Variants in CC2D1B observed in about 807,000 individuals in gnomAD.
CC2D1B encodes coiled-coil and C2 domain containing 1B.
In CC2D1B, 92 loss-of-function variants were observed where a neutral mutation model predicts 110.8. That is an observed-to-expected ratio of 0.83 (90% CI 0.70 to 0.99). The LOEUF is 0.99. CC2D1B is among the 50% of genes least tolerant of loss of function. The pLI is 0.00. For missense variants in CC2D1B, 1,136 were observed against 1,089.0 expected (o/e 1.04, Z -0.61); for synonymous variants, 406 against 429.2 (o/e 0.95, Z 0.67).
At chr1:52,353,984 A>G (rs979468716) in intron 23 of CC2D1B, 8 of 284,486 alleles carry the variant, frequency 2.8e-5, no homozygotes, top group African/African-American at 4.3e-5. Context: ...CAGATGGCCA[A>G]GAGAGAGAAG....
intron 3 of CC2D1B, 72 bp from the exon 4 acceptor site, chr1:52,361,688 T>C: frequency 6.4e-7 from 1 of 1,574,646 alleles, no homozygotes; most frequent in South Asian, 1.1e-5. Context: ...AGGGGCTTGG[T>C]AGATCCACCC....
intron 13 of CC2D1B, 132 bp from the exon 14 acceptor site, chr1:52,358,030 T>C: frequency 2.2e-6 from 3 of 1,356,736 alleles, no homozygotes; most frequent in Non-Finnish European, 3.0e-6. Context: ...CTTCTCTTCC[T>C]GGGTCCTAAA....
Position 52,357,485 on chromosome 1 carries a change from T to A in CC2D1B, c.1752+41A>T, listed in dbSNP as rs373830756. 1.6e-4 allele frequency: 242 copies of A among 1,538,392 alleles called. 2 individuals carry two copies. The highest frequency in any genetic ancestry group is 1.9e-4 in the Non-Finnish European group (217 of 1,137,580). On this transcript the variant is annotated intron_variant, in intron 15 of 24. Coordinates refer to ENST00000284376, the MANE Select transcript of CC2D1B (RefSeq NM_001330585.2). ...CCTGTCAAGCCTGCCAGCCGCCACC[T>A]CCGCCTGAGAAGTCCTGGTGGTTAA...
intron 12 of CC2D1B, 50 bp from the exon 13 acceptor site, chr1:52,358,511 C>A: frequency 6.2e-7 from 1 of 1,610,642 alleles, no homozygotes; most frequent in Non-Finnish European, 8.5e-7. Context: ...CTCAGAGAAG[C>A]ACAAAGCTAC....
At position 52,353,635 on chromosome 1, in the gene CC2D1B, T is replaced by G. The variant is rs945384041; in HGVS notation, c.2443A>C (p.Arg815=). 1.2e-6 allele frequency: 2 copies of G among 1,604,238 alleles called. No individual in the cohort carries two copies. Among genetic ancestry groups the G allele is most frequent in the African/African-American group, 1.3e-5 (1 of 74,670 alleles). The change falls in exon 24 of 25, where the codon AGG becomes CGG. Residue 815 remains arginine, a synonymous_variant. Transcript: ENST00000284376. ...IREIVEVLDG[R]KPTGGKLEVK... is the part of the protein sequence containing the mutation. ...TCCAGCTTCCCCCCGGTGGGCTTCC[T>G]TCCATCCAGGACCTGTGAGGACCAC...
rs1487640183 is a variant in CC2D1B at position 52,352,265 on chromosome 1, C to G, written c.*960G>C. On this transcript the variant is annotated 3_prime_UTR_variant, in exon 25 of 25. Coordinates refer to ENST00000284376, the MANE Select transcript of CC2D1B (RefSeq NM_001330585.2). ...CTACAAACCCCTTCATAGTCTCCAT[C>G]CATTCAGAAAAACAAAGCCAAAGGA... is the stretch of plus-strand genomic sequence containing the variant. 6.6e-6 allele frequency: 1 copy of G among 152,298 alleles called. No individual in the cohort carries two copies. Among genetic ancestry groups the G allele is most frequent in the Non-Finnish European group, 1.5e-5 (1 of 68,046 alleles). 9.4% of individuals were successfully genotyped at this position (152,298 alleles called of 1,614,324 possible).
Position 52,360,524 on chromosome 1 carries a change from G to C in CC2D1B, c.503C>G (p.Ala168Gly), listed in dbSNP as rs778940117. The part of the protein sequence containing the change: ...AQAGASQGLH[A>G]LLEERIHNYR... ...GTTGTGAATCCGTTCCTCCAGCAAA[G>C]CGTGTAGCCCCTGAGATGCTCCGGC... Residue 168 changes from alanine (A) to glycine (G), a missense_variant, in exon 6 of 25, where the codon GCT (alanine) becomes GGT (glycine). By Grantham distance (60) the Ala-to-Gly change is moderately conservative (BLOSUM62 0). Coordinates refer to ENST00000284376, the MANE Select transcript of CC2D1B (RefSeq NM_001330585.2). The C allele has an allele frequency of 6.2e-7, 1 of 1,614,020 alleles. No homozygotes were observed. The highest frequency in any genetic ancestry group is 2.2e-5 in the East Asian group (1 of 44,896).
At chr1:52,354,549 A>G (rs1646601324) in intron 23 of CC2D1B, 59 bp downstream of exon 23, 3 of 1,316,440 alleles carry the variant, frequency 2.3e-6, no homozygotes, top group Non-Finnish European at 2.2e-6. Flanking sequence ...TGTGGCATTC[A>G]GTGCGTATTG....
At position 52,359,850 on chromosome 1, in the gene CC2D1B, C is replaced by A. The variant is rs1474246504; in HGVS notation, c.797G>T (p.Gly266Val). ...NPSQPETSLP[G>V]ISAQPVSDLD... is the part of the protein sequence containing the mutation. ...GTCTGAAACGGGCTGGGCAGAAATG[C>A]CAGGGAGGCTGGTCTCAGGTTGGGA... is the stretch of plus-strand genomic sequence containing the variant. The change falls in exon 8 of 25, where the codon GGC becomes GTC. Residue 266 changes from glycine to valine, a missense_variant. Physicochemically the swap from Gly to Val is moderately radical, Grantham distance 109. Coordinates refer to ENST00000284376, the MANE Select transcript of CC2D1B (RefSeq NM_001330585.2). 1 of 1,611,976 alleles carries A rather than the reference C, an allele frequency of 6.2e-7. No individual in the cohort carries two copies. Among genetic ancestry groups the A allele is most frequent in the African/African-American group, 1.3e-5 (1 of 74,882 alleles).
chr1:52,364,557 T>C lies in CC2D1B; in HGVS notation c.64A>G (p.Lys22Glu). The change falls in exon 2 of 25, where the codon AAG becomes GAG. Residue 22 changes from lysine (K) to glutamate (E), a missense_variant. By Grantham distance (56) the Lys-to-Glu change is moderately conservative. Transcript: ENST00000284376. ...TAGAAGGCTAAGTTCCATACCTGCT[T>C]GGCAGCGGCCACCCCTTGGCCTCTG... is the stretch of plus-strand genomic sequence containing the variant. Reference protein sequence around the residue: ...QARGQGVAAAKQMGLFMEFGP... With the variant: ...QARGQGVAAAEQMGLFMEFGP... The C allele has an allele frequency of 6.2e-7, 1 of 1,600,996 alleles. No individual in the cohort carries two copies. The highest frequency in any genetic ancestry group is 1.1e-5 in the South Asian group (1 of 90,232).
rs1480347897 is a variant in CC2D1B at position 52,352,482 on chromosome 1, A to G, written c.*743T>C. The G allele has an allele frequency of 6.6e-6, 1 of 152,648 alleles. No homozygotes were observed. 9.5% of individuals were successfully genotyped at this position (152,648 alleles called of 1,614,324 possible). A position where few individuals can be genotyped will look rare whatever the true frequency, so the allele number is the denominator to read the frequency against. On this transcript the variant is annotated 3_prime_UTR_variant, in exon 25 of 25. Transcript: ENST00000284376. Reference sequence around the variant, plus strand: ...GTGGATACTCTGTATAGTTGAGTATAAAATCCCTACAATGAGTTAGACTTA... The same window carrying G: ...GTGGATACTCTGTATAGTTGAGTATGAAATCCCTACAATGAGTTAGACTTA...
intron 12 of CC2D1B, 108 bp from the exon 13 acceptor site, chr1:52,358,569 G>C: frequency 6.3e-7 from 1 of 1,582,942 alleles, no homozygotes. Context: ...GGCTGGGATG[G>C]ATGGCTCCAC....
At position 52,357,038 on chromosome 1, in the gene CC2D1B, T is replaced by TAC. The variant is rs1557544746; in HGVS notation, c.1839_1840dup (p.Tyr614CysfsTer66). ...CAGAAGCATTTTTTGCAGCTGGGCA[T>TAC]ACACCTCCTCCGCCTTCTGGGAGAG... On this transcript the variant is annotated frameshift_variant, in exon 16 of 25. Transcript: ENST00000284376. LOFTEE classifies it high-confidence loss of function. 1 of 1,585,902 alleles carries TAC rather than the reference T, an allele frequency of 6.3e-7. No individual in the cohort carries two copies. The highest frequency in any genetic ancestry group is 2.3e-5 in the East Asian group (1 of 43,720).
intron 22 of CC2D1B, 47 bp from the exon 23 acceptor site, chr1:52,354,745 A>G: frequency 6.2e-7 from 1 of 1,607,724 alleles, no homozygotes; most frequent in Non-Finnish European, 8.5e-7. Flanking sequence ...CAGGGAAGGC[A>G]GGAATGTGCT....
At chr1:52,364,696 T>C (rs952034677) in intron 1 of CC2D1B, 62 bp from the exon 2 acceptor site, 17 of 1,115,544 alleles carry the variant, frequency 1.5e-5, no homozygotes, top group Non-Finnish European at 1.5e-5. Context: ...CCAACAGTGC[T>C]ACCCGTGGTA....
Position 52,362,601 on chromosome 1 carries a change from C to T in CC2D1B, c.214+1G>A. The T allele has an allele frequency of 2.5e-6, 4 of 1,614,174 alleles. No homozygotes were observed. Among genetic ancestry groups the T allele is most frequent in the Non-Finnish European group, 8.5e-7 (1 of 1,180,016 alleles). The stretch of plus-strand genomic sequence containing the variant: ...AAGACCAGCCCTGTGTCCAAACTCA[C>T]CCTGCCCCTTGGGTGCTGGCTTCTT... On this transcript the variant is annotated splice_donor_variant, in intron 3 of 24. Transcript: ENST00000284376. LOFTEE classifies it high-confidence loss of function.
intron 15 of CC2D1B, 117 bp from the exon 16 acceptor site, chr1:52,357,243 G>A (rs1646674328): frequency 1.6e-6 from 2 of 1,257,472 alleles, no homozygotes; most frequent in African/African-American, 1.5e-5. Context: ...GTCCAGTGAT[G>A]ACAACTCATC....
intron 18 of CC2D1B, 100 bp downstream of exon 18, chr1:52,356,086 G>A (rs1241883302): frequency 7.1e-6 from 8 of 1,128,526 alleles, no homozygotes; most frequent in Non-Finnish European, 9.2e-6. Context: ...AGCGGGGCCA[G>A]GCTTGGGAAG....
rs1246924031 is a variant in CC2D1B, at chr1:52,353,219, A to G, written c.*6T>C. ...CCTGACTCCTCTCCTGGTGCTGGCC[A>G]TCGGCTACACAGGGGTGCAAAGCAC... On this transcript the variant is annotated 3_prime_UTR_variant, in exon 25 of 25. Transcript: ENST00000284376. 1 of 1,356,962 alleles carries G rather than the reference A, an allele frequency of 7.4e-7. No individual in the cohort carries two copies. The highest frequency in any genetic ancestry group is 9.8e-7 in the Non-Finnish European group (1 of 1,023,968). 84.1% of individuals were successfully genotyped at this position (1,356,962 alleles called of 1,614,324 possible). A position where few individuals can be genotyped will look rare whatever the true frequency, so the allele number is the denominator to read the frequency against.
Sources: gnomAD v4.1 joint callset for allele counts on GRCh38, gnomAD v4.1.1 for gene constraint, MANE v1.5 for transcripts, NCBI Gene and HGNC (gene_info 2026-07-23, HGNC 2026-07-21) for gene names.